Variants in DYNC1H1 observed in about 807,000 individuals in gnomAD.
The protein encoded by DYNC1H1 is cytoplasmic dynein 1 heavy chain 1.
DYNC1H1 carries 51 observed loss-of-function variants against 527.1 expected under a neutral mutation model. The ratio of observed to expected loss-of-function variants is 0.10; its 90% CI spans 0.08 to 0.12. The LOEUF (loss-of-function observed/expected upper bound fraction) is 0.12, where lower values mean the gene tolerates loss of function less well. Ranked by LOEUF, DYNC1H1 falls within the 10% of genes least tolerant of loss-of-function variation. The pLI is 1.00. For synonymous variants in DYNC1H1, 2,189 were observed against 2,278.8 expected, an observed-to-expected ratio of 0.96 and a Z score of 1.12; for missense variants, 2,771 against 5,971.8, an observed-to-expected ratio of 0.46 and a Z score of 17.66.
Position 102,047,896 on chromosome 14 carries a change from G to T in DYNC1H1, c.13086G>T (p.Lys4362Asn). 1 of 1,613,750 alleles carries T rather than the reference G, an allele frequency of 6.2e-7. No individual in the cohort carries two copies. Among genetic ancestry groups the T allele is most frequent in the South Asian group, 1.1e-5 (1 of 91,078 alleles). Residue 4362 changes from lysine to asparagine, a missense_variant, in exon 73 of 78, where the codon AAG becomes AAT. Physicochemically the swap from Lys to Asn is moderately conservative, Grantham distance 94 (BLOSUM62 0). Coordinates refer to ENST00000360184, the MANE Select transcript of DYNC1H1 (RefSeq NM_001376.5). Reference sequence around the variant, plus strand: ...ACCTGGCCTACGCAGAGACTGAGAAGAAGACGAGGACAGACTCCACGTCCG... The same window carrying T: ...ACCTGGCCTACGCAGAGACTGAGAATAAGACGAGGACAGACTCCACGTCCG... ...EDDLAYAETE[K>N]KTRTDSTSDG...
chr14:102,036,504 T>G lies in DYNC1H1; in HGVS notation c.10770T>G (p.Ile3590Met). ...LKRFNRYPLIIDPSGQATEFI... is the reference protein window; with the variant it reads ...LKRFNRYPLIMDPSGQATEFI... ...TCATCCTCAGGTATCCGCTGATCAT[T>G]GACCCCTCTGGACAGGCCACAGAAT... Residue 3590 changes from isoleucine (I) to methionine (M), a missense_variant, in exon 57 of 78, where the codon ATT becomes ATG. Ile to Met is a conservative substitution (Grantham distance 10). Coordinates refer to ENST00000360184, the MANE Select transcript of DYNC1H1 (RefSeq NM_001376.5). The surrounding 1 kb of genome is among the most constrained non-coding windows in gnomAD (Gnocchi z 5.6). The G allele has an allele frequency of 6.2e-7, 1 of 1,613,950 alleles. No homozygotes were observed. The highest frequency in any genetic ancestry group is 8.5e-7 in the Non-Finnish European group (1 of 1,179,992).
chr14:102,005,316 G>A lies in DYNC1H1; in HGVS notation c.5433+80G>A. 2 of 1,584,274 alleles carry A rather than the reference G, an allele frequency of 1.3e-6. No homozygotes were observed. The highest frequency in any genetic ancestry group is 1.7e-5 in the Admixed American group (1 of 59,980). On this transcript the variant is annotated intron_variant, in intron 26 of 77. Transcript: ENST00000360184. This position sits in a 1 kb window ranked among gnomAD's most constrained non-coding sequence, Gnocchi z 4.0. ...ACACAGTTAAATGGAAATCATGCTT[G>A]AAAAAGGTTTCAGGTAGTATCAAGG...
intron 5 of DYNC1H1, among the ~76,000 whole-genome samples, chr14:101,981,831 G>A (rs577241407): frequency 6.0e-4 from 91 of 152,166 alleles, no homozygotes; most frequent in African/African-American, 1.1e-3. Flanking sequence ...AAGCACTTTC[G>A]TGATTCCATG....
In DYNC1H1 at chr14:102,041,554, C is replaced by T. The variant is rs1259153415; in HGVS notation, c.11942-20C>T. ...AGTCCATGCTTCCACCCAGCACCCACCCCTCTGTACCTGTTTCAGCACCCA... is the reference window on the plus strand; with the variant it reads ...AGTCCATGCTTCCACCCAGCACCCATCCCTCTGTACCTGTTTCAGCACCCA... On this transcript the variant is annotated intron_variant, in intron 64 of 77. Coordinates refer to ENST00000360184, the MANE Select transcript of DYNC1H1 (RefSeq NM_001376.5). This position sits in a 1 kb window ranked among gnomAD's most constrained non-coding sequence, Gnocchi z 4.5. 6.2e-7 allele frequency: 1 copy of T among 1,613,620 alleles called. No homozygotes were observed. Among genetic ancestry groups the T allele is most frequent in the Non-Finnish European group, 8.5e-7 (1 of 1,180,024 alleles).
Position 102,010,073 on chromosome 14 carries a change from G to A in DYNC1H1, c.6208G>A (p.Val2070Ile), listed in dbSNP as rs751769427. 1.2e-6 allele frequency: 2 copies of A among 1,613,462 alleles called. No homozygotes were observed. The highest frequency in any genetic ancestry group is 1.7e-6 in the Non-Finnish European group (2 of 1,180,034). ...RTAEVLANKI[V>I]PFFKLCDEQL... ...TGCTGAAGTGCTTGCCAACAAAATC[G>A]TCCCGTTTTTTAAGTAAGTAGCCTA... Residue 2070 changes from valine (V) to isoleucine (I), a missense_variant, in exon 30 of 78, where the codon GTC becomes ATC. By Grantham distance (29) the Val-to-Ile change is conservative. Around this residue, in one of 32 missense-constraint regions of DYNC1H1, gnomAD observed 19 missense variants for 90.4 expected, o/e 0.21. Transcript: ENST00000360184. This position sits in a 1 kb window ranked among gnomAD's most constrained non-coding sequence, Gnocchi z 6.0.
intron 41 of DYNC1H1, 27 bp from the exon 42 acceptor site, chr14:102,019,866 T>G: frequency 6.2e-7 from 1 of 1,614,068 alleles, no homozygotes; most frequent in Non-Finnish European, 8.5e-7. Context: ...TATTTACGTG[T>G]ACCTTCCATT....
chr14:102,016,233 G>T lies in DYNC1H1; in HGVS notation c.7474-116G>T. On this transcript the variant is annotated intron_variant, in intron 36 of 77. Transcript: ENST00000360184. This position sits in a 1 kb window ranked among gnomAD's most constrained non-coding sequence, Gnocchi z 7.3. ...TGAGGGGCTAGGAAAGGTGCAGTGG[G>T]TGTCTGTGATGCAAGAAGACTGGGA... is the stretch of plus-strand genomic sequence containing the variant. The T allele has an allele frequency of 6.6e-7, 1 of 1,512,034 alleles. No individual in the cohort carries two copies. The highest frequency in any genetic ancestry group is 9.0e-7 in the Non-Finnish European group (1 of 1,108,984). 93.7% of individuals were successfully genotyped at this position (1,512,034 alleles called of 1,614,324 possible).
Position 101,964,939 on chromosome 14 carries a change from C to T in DYNC1H1, c.248C>T (p.Thr83Met), listed in dbSNP as rs1400787976. 3.1e-6 allele frequency: 5 copies of T among 1,597,458 alleles called. No individual in the cohort carries two copies. Among genetic ancestry groups the T allele is most frequent in the Non-Finnish European group, 4.3e-6 (5 of 1,173,410 alleles). The stretch of plus-strand genomic sequence containing the variant: ...CACACGGTGCTGGTGGAGCGCTCCA[C>T]GCTCAAAGGTGCGGGGCCGCGGAGG... Reference protein sequence around the residue: ...QVHTVLVERSTLKEDVGDEGE... With the variant: ...QVHTVLVERSMLKEDVGDEGE... Residue 83 changes from threonine (T) to methionine (M), a missense_variant, in exon 1 of 78, where the codon ACG (threonine) becomes ATG (methionine). By Grantham distance (81) the Thr-to-Met change is moderately conservative (BLOSUM62 -1). Transcript: ENST00000360184. The surrounding 1 kb of genome is among the most constrained non-coding windows in gnomAD (Gnocchi z 5.5).
rs1180795135 is a variant in DYNC1H1 at position 102,033,619 on chromosome 14, T to C, written c.10413+135T>C. The C allele has an allele frequency of 8.7e-7, 1 of 1,152,296 alleles. No homozygotes were observed. Among genetic ancestry groups the C allele is most frequent in the Non-Finnish European group, 1.3e-6 (1 of 797,768 alleles). 71.4% of individuals were successfully genotyped at this position (1,152,296 alleles called of 1,614,324 possible). On this transcript the variant is annotated intron_variant, in intron 54 of 77. Transcript: ENST00000360184. This position sits in a 1 kb window ranked among gnomAD's most constrained non-coding sequence, Gnocchi z 5.6. ...ACATCTGTAAGGCCCCGGAGGACTT[T>C]TTTCCTGGAAAATAATACACACTGA...
chr14:101,989,124 T>C (rs892298884), intron 10 of DYNC1H1, among the ~76,000 whole-genome samples: 3 of 152,224 alleles, frequency 2.0e-5, no homozygotes, highest in Non-Finnish European at 4.4e-5. Flanking sequence ...GTGGAGGATA[T>C]GTGGAAACTC....
At chr14:102,026,825 C>A in intron 44 of DYNC1H1, 118 bp downstream of exon 44, 1 of 1,432,568 alleles carries the variant, frequency 7.0e-7, no homozygotes, top group Non-Finnish European at 9.6e-7. Context: ...GCCTTCTCCA[C>A]CAAGCAGCTT....
At chr14:101,972,081 T>G (rs184311504) in intron 1 of DYNC1H1, among the ~76,000 whole-genome samples, 124 of 152,320 alleles carry the variant, frequency 8.1e-4, no homozygotes, top group Middle Eastern at 6.8e-3. Flanking sequence ...GGATTCAAAT[T>G]TTACTGAAAG....
At chr14:102,006,303 T>C in intron 27 of DYNC1H1, 133 bp downstream of exon 27, 3 of 1,341,010 alleles carry the variant, frequency 2.2e-6, no homozygotes, top group Non-Finnish European at 3.0e-6. Flanking sequence ...GGTGCGATCT[T>C]GGCTCACTGC....
intron 73 of DYNC1H1, 62 bp downstream of exon 73, chr14:102,048,090 G>A: frequency 6.5e-7 from 1 of 1,547,318 alleles, no homozygotes; most frequent in African/African-American, 1.4e-5. Context: ...TATGGTCATG[G>A]ACCATTGTTC....
At chr14:102,028,830 G>A (rs911694997) in intron 48 of DYNC1H1, 2 of 161,182 alleles carry the variant, frequency 1.2e-5, no homozygotes, top group Admixed American at 5.7e-5. Flanking sequence ...GAGTAGTCTC[G>A]GGCACAGCTA....
rs1437549422 is a variant in DYNC1H1, at chr14:102,001,741, T to C, written c.4542+60T>C. On this transcript the variant is annotated intron_variant, in intron 21 of 77. Coordinates refer to ENST00000360184, the MANE Select transcript of DYNC1H1 (RefSeq NM_001376.5). This position sits in a 1 kb window ranked among gnomAD's most constrained non-coding sequence, Gnocchi z 5.0. ...GTGGTCTCCCACGCTTTCACTGTAA[T>C]GCCTTTTCACTGACAGTTACTAGGT... 9.3e-6 allele frequency: 15 copies of C among 1,608,808 alleles called. No homozygotes were observed. The East Asian group carries it at 3.3e-4, about 36-fold the overall frequency.
chr14:101,975,854 A>T, intron 2 of DYNC1H1, 55 bp downstream of exon 2: 1 of 1,354,936 alleles, frequency 7.4e-7, no homozygotes, highest in Non-Finnish European at 1.0e-6. Context: ...GAGAATTAAT[A>T]TGAATCTTTT....
intron 51 of DYNC1H1, 116 bp downstream of exon 51, chr14:102,030,398 C>G: frequency 6.7e-7 from 1 of 1,497,676 alleles, no homozygotes; most frequent in Non-Finnish European, 9.2e-7. Flanking sequence ...TTCTGGTTTC[C>G]AAAAATATCA....
Position 102,052,440 on chromosome 14 carries a change from A to G in DYNC1H1, c.*1877A>G, listed in dbSNP as rs759573754. ...GAGCCACCACACCCAGCCCCTAAAA[A>G]CATTTATGTGCATCGACATCAGCTT... is the stretch of plus-strand genomic sequence containing the variant. On this transcript the variant is annotated 3_prime_UTR_variant, in exon 78 of 78. Coordinates refer to ENST00000360184, the MANE Select transcript of DYNC1H1 (RefSeq NM_001376.5). The G allele has an allele frequency of 6.6e-6, 1 of 152,188 alleles. No individual in the cohort carries two copies. The highest frequency in any genetic ancestry group is 1.5e-5 in the Non-Finnish European group (1 of 68,090). The allele number at this position is 152,188 out of a possible 1,614,324, so 9.4% of individuals were successfully genotyped here.
Sources: allele counts gnomAD v4.1 joint callset (sites outside exome capture counted in the v4.1 genomes callset), GRCh38; gene constraint gnomAD v4.1.1; regional missense constraint gnomAD v4.1.1; non-coding constraint Gnocchi (gnomAD v3.1); transcripts MANE v1.5; gene names NCBI Gene and HGNC (gene_info 2026-07-23, HGNC 2026-07-21).